SLC38A12: variants seen among roughly 807,000 people sequenced by gnomAD.
SLC38A12 encodes the protein putative sodium-coupled neutral amino acid transporter 12.
At chr17:74,821,119 G>A in the SLC38A12 span, among the ~76,000 whole-genome samples, 168 of 152,334 alleles carry the variant, frequency 1.1e-3, no homozygotes, top group Non-Finnish European at 2.0e-3. Flanking sequence ...CCACTCTGAG[G>A]GGTTGTATGT....
the SLC38A12 span, among the ~76,000 whole-genome samples, chr17:74,826,434 G>GA: frequency 2.7e-4 from 41 of 152,246 alleles, no homozygotes; most frequent in Non-Finnish European, 5.6e-4. Context: ...CCGGGGTGAG[G>GA]AGTGAACGAA....
At chr17:74,813,323 G>A in the SLC38A12 span, among the ~76,000 whole-genome samples, 6 of 152,192 alleles carry the variant, frequency 3.9e-5, no homozygotes, top group Non-Finnish European at 5.9e-5. Context: ...CCTTCCAAGT[G>A]TTTTCTCTGT....
the SLC38A12 span, among the ~76,000 whole-genome samples, chr17:74,834,884 C>T: frequency 3.9e-5 from 6 of 152,354 alleles, no homozygotes; most frequent in East Asian, 5.8e-4. Context: ...TAGCTAACCA[C>T]GGTTCTGGGT....
chr17:74,829,156 C>G, the SLC38A12 span, among the ~76,000 whole-genome samples: 1 of 152,078 alleles, frequency 6.6e-6, no homozygotes, highest in Non-Finnish European at 1.5e-5. The surrounding 1 kb of genome is among the most constrained non-coding windows in gnomAD (Gnocchi z 4.1). Flanking sequence ...CAGAGTCTCG[C>G]TCTGTCACCC....
the SLC38A12 span, among the ~76,000 whole-genome samples, chr17:74,789,191 T>C: frequency 6.6e-6 from 1 of 152,116 alleles, no homozygotes; most frequent in Non-Finnish European, 1.5e-5. Context: ...TGGGGCAGCA[T>C]AGCTGTGCTG....
At chr17:74,837,152 G>C in the SLC38A12 span, 6 of 987,956 alleles carry the variant, frequency 6.1e-6, no homozygotes, top group Non-Finnish European at 7.2e-6. Flanking sequence ...CTTCAGAGGC[G>C]AATCCCAGGC....
chr17:74,781,860 C>T, the SLC38A12 span, among the ~76,000 whole-genome samples: 1 of 152,224 alleles, frequency 6.6e-6, no homozygotes, highest in Non-Finnish European at 1.5e-5. Context: ...CACCCCTGCC[C>T]GGCTTGCTGT....
chr17:74,777,335 C>A, the SLC38A12 span: 224 of 1,614,180 alleles, frequency 1.4e-4, no homozygotes, highest in African/African-American at 2.8e-3. Flanking sequence ...TTGGAAATGG[C>A]GGGTGAAATT....
the SLC38A12 span, among the ~76,000 whole-genome samples, chr17:74,813,657 C>A: frequency 6.6e-6 from 1 of 152,292 alleles, no homozygotes; most frequent in East Asian, 1.9e-4. Flanking sequence ...CCCGCCACCA[C>A]GCCTGGCTAA....
chr17:74,792,125 T>C, the SLC38A12 span, among the ~76,000 whole-genome samples: 8 of 145,240 alleles, frequency 5.5e-5, no homozygotes, highest in Admixed American at 1.4e-4. Flanking sequence ...CAGCCTGGGC[T>C]ACAGAGCGAG....
At chr17:74,805,286 G>A in the SLC38A12 span, among the ~76,000 whole-genome samples, 5 of 152,230 alleles carry the variant, frequency 3.3e-5, no homozygotes, top group South Asian at 2.1e-4. This position sits in a 1 kb window ranked among gnomAD's most constrained non-coding sequence, Gnocchi z 5.0. Flanking sequence ...ACCTACAGGT[G>A]CTGCCACATC....
chr17:74,815,704 G>T, the SLC38A12 span, among the ~76,000 whole-genome samples: 1 of 152,188 alleles, frequency 6.6e-6, no homozygotes, highest in Non-Finnish European at 1.5e-5. Flanking sequence ...TGGTGGACAC[G>T]GCACAGCCTC....
the SLC38A12 span, among the ~76,000 whole-genome samples, chr17:74,789,256 G>C: frequency 6.6e-6 from 1 of 151,692 alleles, no homozygotes; most frequent in Non-Finnish European, 1.5e-5. Flanking sequence ...AGGGGCCGGT[G>C]GGGGGGCTCA....
chr17:74,790,876 A>G, the SLC38A12 span: 1 of 1,308,396 alleles, frequency 7.6e-7, no homozygotes, highest in Non-Finnish European at 1.1e-6. Flanking sequence ...GGTTTAGATA[A>G]TTCAGTGAGG....
chr17:74,835,990 C>T, the SLC38A12 span: 40 of 1,612,050 alleles, frequency 2.5e-5, no homozygotes, highest in South Asian at 3.5e-4. Context: ...GAGGGGCACC[C>T]GCCCCTGGCT....
the SLC38A12 span, chr17:74,790,265 G>A: frequency 1.9e-5 from 30 of 1,614,022 alleles, no homozygotes; most frequent in Admixed American, 4.8e-4. Flanking sequence ...ACAACTACGA[G>A]CGGGCAGAGA....
chr17:74,838,758 G>A, the SLC38A12 span: 3 of 1,467,556 alleles, frequency 2.0e-6, no homozygotes, highest in Non-Finnish European at 2.7e-6. Context: ...TGGGGCCAGG[G>A]GCAGAGAACC....
At chr17:74,782,558 A>G in the SLC38A12 span, among the ~76,000 whole-genome samples, 2 of 152,316 alleles carry the variant, frequency 1.3e-5, no homozygotes, top group South Asian at 2.1e-4. Context: ...CCACCCTTGT[A>G]CACATGAGCA....
the SLC38A12 span, chr17:74,839,272 C>T: frequency 8.2e-7 from 1 of 1,213,814 alleles, no homozygotes. Flanking sequence ...GCTGTCCTCA[C>T]TACGGGGCAG....
Sources: gnomAD v4.1 joint callset for allele counts (sites outside exome capture counted in the v4.1 genomes callset) on GRCh38, gnomAD v4.1.1 for gene constraint, Gnocchi (gnomAD v3.1) non-coding constraint, MANE v1.5 for transcripts, NCBI Gene and HGNC (gene_info 2026-07-23, HGNC 2026-07-21) for gene names.